Variants in TMC3 observed in about 807,000 individuals in gnomAD.
TMC3 encodes the protein transmembrane channel like 3.
In TMC3, 98 loss-of-function variants were observed where a neutral mutation model predicts 110.6. That is an observed-to-expected ratio of 0.89 (90% CI 0.75 to 1.05). The LOEUF is 1.05. Ranked by LOEUF, TMC3 falls within the 50% of genes least tolerant of loss-of-function variation. The pLI is 0.00. For synonymous variants in TMC3, 489 were observed against 513.1 expected (o/e 0.95, Z 0.63); for missense variants, 1,319 against 1,373.2 (o/e 0.96, Z 0.62).
chr15:81,351,605 G>A lies in TMC3; in HGVS notation c.1083+89C>T, dbSNP rs1567065591. ...GACCTCAAGTGATCCACCTGCCCCAGCCTCCCAAAGTGCTGGGATTACAGG... is the reference window on the plus strand; with the variant it reads ...GACCTCAAGTGATCCACCTGCCCCAACCTCCCAAAGTGCTGGGATTACAGG... On this transcript the variant is annotated intron_variant, in intron 10 of 21. Transcript: ENST00000359440. 1.5e-5 allele frequency: 22 copies of A among 1,481,626 alleles called. No individual in the cohort carries two copies. In the South Asian group the frequency reaches 2.7e-4, roughly 18 times the overall value. The allele number at this position is 1,481,626 out of a possible 1,614,324, so 91.8% of individuals were successfully genotyped here. A position where few individuals can be genotyped will look rare whatever the true frequency, so the allele number is the denominator to read the frequency against.
chr15:81,356,424 G>A (rs1327558648), intron 8 of TMC3, 23 bp downstream of exon 8: 2 of 1,556,648 alleles, frequency 1.3e-6, no homozygotes, highest in East Asian at 4.8e-5. Context: ...ACCCCCGCAG[G>A]CTGCACAGGC....
At chr15:81,360,119 T>C (rs866273685) in intron 4 of TMC3, among the ~76,000 whole-genome samples, 8 of 152,116 alleles carry the variant, frequency 5.3e-5, no homozygotes, top group Admixed American at 3.3e-4. Context: ...AAAAAAACTC[T>C]TAAATTTTTA....
Position 81,332,424 on chromosome 15 carries a change from C to T in TMC3, c.3298G>A (p.Val1100Ile), listed in dbSNP as rs1893480729. The T allele has an allele frequency of 2.5e-6, 4 of 1,602,312 alleles. No homozygotes were observed. The highest frequency in any genetic ancestry group is 1.3e-5 in the African/African-American group (1 of 74,808). The change falls in exon 22 of 22, where the codon GTC becomes ATC. Residue 1100 changes from valine (V) to isoleucine (I), a missense_variant. Val to Ile is a conservative substitution (Grantham distance 29). Transcript: ENST00000359440. ...VDLDDLICSD[V>I] ...AACGGGACACTGGAGGAAGCCTAGA[C>T]ATCTGAACAAATCAAGTCATCCAGA...
chr15:81,355,897 G>T (rs187494797), intron 8 of TMC3, 129 bp from the exon 9 acceptor site: 84 of 593,234 alleles, frequency 1.4e-4, no homozygotes, highest in African/African-American at 1.4e-3. Context: ...GGATTCAATT[G>T]ATATAAATGA....
intron 9 of TMC3, among the ~76,000 whole-genome samples, chr15:81,354,867 T>C (rs1194715449): frequency 6.6e-6 from 1 of 151,920 alleles, no homozygotes; most frequent in African/African-American, 2.4e-5. Flanking sequence ...CAGTATGTTG[T>C]TATTATTATT....
chr15:81,332,480 T>G lies in TMC3; in HGVS notation c.3242A>C (p.Lys1081Thr). ...PRSVGQPSRR[K>T]AKSGQELTVD... ...GGTCAGCTCCTGCCCCGACTTGGCCTTCCTCCTGCTGGGCTGGCCCACGGA... is the reference window on the plus strand; with the variant it reads ...GGTCAGCTCCTGCCCCGACTTGGCCGTCCTCCTGCTGGGCTGGCCCACGGA... Residue 1081 changes from lysine to threonine, a missense_variant, in exon 22 of 22, where the codon AAG becomes ACG. Lys to Thr is a moderately conservative substitution (Grantham distance 78). Transcript: ENST00000359440. 1 of 1,613,064 alleles carries G rather than the reference T, an allele frequency of 6.2e-7. No individual in the cohort carries two copies. Among genetic ancestry groups the G allele is most frequent in the Non-Finnish European group, 8.5e-7 (1 of 1,179,576 alleles).
intron 16 of TMC3, 47 bp from the exon 17 acceptor site, chr15:81,339,551 T>C: frequency 6.9e-7 from 1 of 1,443,180 alleles, no homozygotes; most frequent in Non-Finnish European, 9.5e-7. Flanking sequence ...CCATAGCCAG[T>C]TGCCAGGGTT....
At chr15:81,350,608 G>T (rs1893927416) in intron 10 of TMC3, among the ~76,000 whole-genome samples, 1 of 152,112 alleles carries the variant, frequency 6.6e-6, no homozygotes, top group Admixed American at 6.5e-5. Flanking sequence ...GATTATCTAG[G>T]GTGGGCTCAG....
At chr15:81,367,566 A>G (rs1161167843) in intron 3 of TMC3, among the ~76,000 whole-genome samples, 2 of 152,254 alleles carry the variant, frequency 1.3e-5, no homozygotes, top group Non-Finnish European at 2.9e-5. Context: ...ACATTGTATT[A>G]TAAAATGAGC....
At chr15:81,343,782 G>A in intron 14 of TMC3, 135 bp downstream of exon 14, 1 of 905,172 alleles carries the variant, frequency 1.1e-6, no homozygotes, top group South Asian at 2.1e-5. Context: ...TCAGCTTTCT[G>A]CACCCATCTC....
intron 12 of TMC3, 60 bp downstream of exon 12, chr15:81,346,305 G>C: frequency 7.0e-7 from 1 of 1,422,218 alleles, no homozygotes; most frequent in Non-Finnish European, 9.9e-7. Context: ...CCCTGGTGTT[G>C]GGAGGAGGTA....
Position 81,333,273 on chromosome 15 carries a change from G to C in TMC3, c.2460-11C>G, listed in dbSNP as rs761228718. ...AGACCGTGCAGATACCTGTAAGACA[G>C]GGGCGGTTAAGTAGCTGTGGCCTTG... On this transcript the variant is annotated splice_polypyrimidine_tract_variant and intron_variant, in intron 21 of 21. Coordinates refer to ENST00000359440, the MANE Select transcript of TMC3 (RefSeq NM_001080532.3). 3.8e-6 allele frequency: 6 copies of C among 1,590,042 alleles called. No individual in the cohort carries two copies. Among genetic ancestry groups the C allele is most frequent in the Non-Finnish European group, 4.3e-6 (5 of 1,165,578 alleles).
At position 81,341,440 on chromosome 15, in the gene TMC3, C is replaced by A; in HGVS notation, c.1794G>T (p.Trp598Cys). The A allele has an allele frequency of 6.2e-7, 1 of 1,611,814 alleles. No individual in the cohort carries two copies. Among genetic ancestry groups the A allele is most frequent in the South Asian group, 1.1e-5 (1 of 90,462 alleles). ...KLIGLMYLRSWAVLTCNVPHQ... is the reference protein window; with the variant it reads ...KLIGLMYLRSCAVLTCNVPHQ... ...GGGGCACATTGCAGGTCAGCACAGCCCAGCTTCTCAGGTACATGAGCCCAA... is the reference window on the plus strand; with the variant it reads ...GGGGCACATTGCAGGTCAGCACAGCACAGCTTCTCAGGTACATGAGCCCAA... The change falls in exon 16 of 22, where the codon TGG becomes TGT. Residue 598 changes from tryptophan to cysteine, a missense_variant. Coordinates refer to ENST00000359440, the MANE Select transcript of TMC3 (RefSeq NM_001080532.3).
intron 18 of TMC3, 65 bp from the exon 19 acceptor site, chr15:81,337,989 T>C: frequency 7.8e-7 from 1 of 1,284,382 alleles, no homozygotes; most frequent in African/African-American, 1.5e-5. Flanking sequence ...TCAGACCACA[T>C]TCCCTGCAGA....
At position 81,355,909 on chromosome 15, in the gene TMC3, T is replaced by C. The variant is rs1894049776; in HGVS notation, c.892-141A>G. 3 of 589,684 alleles carry C rather than the reference T, an allele frequency of 5.1e-6. No homozygotes were observed. The South Asian group carries it at 7.2e-5, about 14-fold the overall frequency. The allele number at this position is 589,684 out of a possible 1,614,324, so 36.5% of individuals were successfully genotyped here. ...GTAGGATTCAATTGATATAAATGAA[T>C]TAGATATCAATAATCTAATCAATTG... On this transcript the variant is annotated intron_variant, in intron 8 of 21. Coordinates refer to ENST00000359440, the MANE Select transcript of TMC3 (RefSeq NM_001080532.3).
In TMC3 at chr15:81,374,148, C is replaced by T. The variant is rs898052913; in HGVS notation, c.-71G>A. ...GGAAGTTGGCAGGCAAAGGTCTGTT[C>T]CGAGGTTTCTGAATGGAAGCAGCGG... On this transcript the variant is annotated 5_prime_UTR_variant, in exon 1 of 22. Transcript: ENST00000359440. The T allele has an allele frequency of 2.0e-5, 28 of 1,409,808 alleles. No homozygotes were observed. Among genetic ancestry groups the T allele is most frequent in the Middle Eastern group, 1.7e-4 (1 of 5,726 alleles). 87.3% of individuals were successfully genotyped at this position (1,409,808 alleles called of 1,614,324 possible). A position where few individuals can be genotyped will look rare whatever the true frequency, so the allele number is the denominator to read the frequency against.
At chr15:81,373,915 C>G in intron 1 of TMC3, 74 bp downstream of exon 1, 2 of 1,374,062 alleles carry the variant, frequency 1.5e-6, no homozygotes, top group South Asian at 1.2e-5. Context: ...CTTTGTCCCT[C>G]GCTCTGGTGA....
chr15:81,338,235 A>T (rs1449631350), intron 18 of TMC3, among the ~76,000 whole-genome samples: 3 of 152,228 alleles, frequency 2.0e-5, no homozygotes, highest in Non-Finnish European at 4.4e-5. Flanking sequence ...AGCTATGAGT[A>T]CAGGATCCAC....
At chr15:81,353,377 C>A (rs1275563720) in intron 9 of TMC3, among the ~76,000 whole-genome samples, 1 of 152,114 alleles carries the variant, frequency 6.6e-6, no homozygotes, top group Non-Finnish European at 1.5e-5. Context: ...TTTATAAAGT[C>A]TACGCTAGTA....
Sources: allele counts gnomAD v4.1 joint callset (sites outside exome capture counted in the v4.1 genomes callset), GRCh38; gene constraint gnomAD v4.1.1; transcripts MANE v1.5; gene names NCBI Gene and HGNC (gene_info 2026-07-23, HGNC 2026-07-21).